The following ARID2 variants were observed in gnomAD, a reference collection of about 807,000 sequenced individuals.
ARID2 encodes AT-rich interactive domain-containing protein 2.
ARID2 carries 32 observed loss-of-function variants against 184.6 expected under a neutral mutation model. The observed-to-expected ratio is 0.17, with a 90% CI of 0.13 to 0.23. ARID2 has a LOEUF of 0.23. Among genes scored for constraint, ARID2 ranks in the 10% least tolerant of loss-of-function variants. The probability of loss-of-function intolerance (pLI) is 1.00; values close to 1 mark genes in which losing one functional copy is unlikely to be tolerated. For synonymous variants in ARID2, 836 were observed against 772.6 expected, an observed-to-expected ratio of 1.08 and a Z score of -1.36; for missense variants, 1,696 against 2,197.6, an observed-to-expected ratio of 0.77 and a Z score of 4.56.
chr12:45,860,750 T>C (rs377306978), intron 15 of ARID2, 51 bp from the exon 16 acceptor site: 50 of 1,390,624 alleles, frequency 3.6e-5, no homozygotes, highest in South Asian at 3.3e-4. Flanking sequence ...CTATAAAATA[T>C]GAATTTTTTC....
intron 16 of ARID2, among the ~76,000 whole-genome samples, chr12:45,878,154 T>TC (rs542613808): frequency 1.6e-4 from 24 of 152,334 alleles, no homozygotes; most frequent in Non-Finnish European, 3.2e-4. Context: ...AAGGTTTTTT[T>TC]CTTTGTCTTT....
intron 3 of ARID2, among the ~76,000 whole-genome samples, chr12:45,790,767 TCAA>T (rs1041801946): frequency 2.0e-5 from 3 of 152,248 alleles, no homozygotes; most frequent in Admixed American, 1.3e-4. Context: ...AGGACACTGT[TCAA>T]CACAAGTTGT....
At position 45,851,383 on chromosome 12, in the gene ARID2, C is replaced by G. The variant is rs776757244; in HGVS notation, c.3260C>G (p.Pro1087Arg). The change falls in exon 15 of 21, where the codon CCT (proline) becomes CGT (arginine). Residue 1087 changes from proline (P) to arginine (R), a missense_variant. Physicochemically the swap from Pro to Arg is moderately radical, Grantham distance 103 (BLOSUM62 -2). This residue lies in a region of ARID2 where 713 missense variants were observed against 824.4 expected (regional missense o/e 0.86). Coordinates refer to ENST00000334344, the MANE Select transcript of ARID2 (RefSeq NM_152641.4). ...CTCCCAGCTCCACAGATTCCTCCCC[C>G]TAATAATGCAAGAGCTCCTAGCCCT... Reference protein sequence around the residue: ...LILPAPQIPPPNNARAPSPQV... With the variant: ...LILPAPQIPPRNNARAPSPQV... 6.2e-7 allele frequency: 1 copy of G among 1,614,130 alleles called. No individual in the cohort carries two copies. Among genetic ancestry groups the G allele is most frequent in the Non-Finnish European group, 8.5e-7 (1 of 1,180,006 alleles).
At chr12:45,844,187 G>A (rs1203425801) in intron 11 of ARID2, among the ~76,000 whole-genome samples, 2 of 151,994 alleles carry the variant, frequency 1.3e-5, no homozygotes, top group African/African-American at 4.8e-5. Flanking sequence ...ACAAGTACAT[G>A]CCACCAAGTC....
Position 45,815,599 on chromosome 12 carries a change from T to TTGTG in ARID2, c.419-2051_419-2048dup, listed in dbSNP as rs376716014. 3.9e-3 allele frequency among the ~76,000 whole-genome samples: 588 copies of TTGTG among 149,832 alleles called. 5 individuals carry two copies. The highest frequency in any genetic ancestry group is 0.013 in the African/African-American group (513 of 40,950). On this transcript the variant is annotated intron_variant, in intron 4 of 20. Transcript: ENST00000334344. Reference sequence around the variant, plus strand: ...TCTACTTGCATCCTACTTAAAGAGATTGTGTGTGTGTGTGTGTGTGTGTTT... The same window carrying TTGTG: ...TCTACTTGCATCCTACTTAAAGAGATTGTGTGTGTGTGTGTGTGTGTGTGTGTTT...
intron 5 of ARID2, 106 bp from the exon 6 acceptor site, chr12:45,821,314 A>T: frequency 1.7e-6 from 1 of 583,850 alleles, no homozygotes; most frequent in Non-Finnish European, 2.9e-6. Flanking sequence ...TACACAAGAT[A>T]TATTAAGATG....
At chr12:45,844,082 C>G (rs1194683982) in intron 11 of ARID2, among the ~76,000 whole-genome samples, 2 of 152,096 alleles carry the variant, frequency 1.3e-5, no homozygotes, top group African/African-American at 2.4e-5. Flanking sequence ...ACCCAGACTG[C>G]AGTGCAGGGG....
At position 45,906,917 on chromosome 12, in the gene ARID2, T is replaced by G. The variant is rs533354222; in HGVS notation, c.*1839T>G. The G allele has an allele frequency of 4.3e-6, 1 of 231,976 alleles. No homozygotes were observed. Among genetic ancestry groups the G allele is most frequent in the South Asian group, 1.8e-4 (1 of 5,520 alleles). 14.4% of individuals were successfully genotyped at this position (231,976 alleles called of 1,614,324 possible). The stretch of plus-strand genomic sequence containing the variant: ...TCACAGTGTATCCAAATCTTCAGCT[T>G]GAATTTGGAGGCAGATTCTTAGAGT... On this transcript the variant is annotated 3_prime_UTR_variant, in exon 21 of 21. Transcript: ENST00000334344.
chr12:45,733,304 A>G (rs1941036950), intron 3 of ARID2, among the ~76,000 whole-genome samples: 1 of 152,242 alleles, frequency 6.6e-6, no homozygotes, highest in African/African-American at 2.4e-5. Flanking sequence ...TTGCACAGTA[A>G]GAGGATATAT....
intron 6 of ARID2, among the ~76,000 whole-genome samples, chr12:45,832,911 T>C (rs1316019707): frequency 2.0e-5 from 3 of 152,218 alleles, no homozygotes; most frequent in Non-Finnish European, 4.4e-5. Context: ...CCATTTTATA[T>C]GAGGAACTTG....
At chr12:45,799,719 A>T (rs1233054225) in intron 3 of ARID2, among the ~76,000 whole-genome samples, 1 of 152,246 alleles carries the variant, frequency 6.6e-6, no homozygotes, top group African/African-American at 2.4e-5. Flanking sequence ...GTACCAAGGT[A>T]ATCAATATAA....
Position 45,796,193 on chromosome 12 carries a change from A to G in ARID2, c.285-15225A>G, listed in dbSNP as rs185437551. Among the ~76,000 whole-genome samples the G allele has an allele frequency of 3.9e-5, 6 of 152,140 alleles. No homozygotes were observed. In the East Asian group the frequency reaches 9.6e-4, roughly 24 times the overall value. On this transcript the variant is annotated intron_variant, in intron 3 of 20. Coordinates refer to ENST00000334344, the MANE Select transcript of ARID2 (RefSeq NM_152641.4). ...TTGATAAAATTCAAAAATTTTTAAT[A>G]TATATTTTACATATATTCACTTACA...
chr12:45,861,024 C>CTA, intron 16 of ARID2, 75 bp downstream of exon 16: 4 of 1,300,910 alleles, frequency 3.1e-6, no homozygotes, highest in Non-Finnish European at 4.0e-6. Context: ...TTTCTGTCAT[C>CTA]TATAGTTGCA....
intron 11 of ARID2, among the ~76,000 whole-genome samples, chr12:45,844,202 TAA>T (rs1943403001): frequency 6.6e-6 from 1 of 152,090 alleles, no homozygotes; most frequent in African/African-American, 2.4e-5. Context: ...CAAGTCTGGC[TAA>T]GGACGGGGTT....
At chr12:45,804,936 A>G (rs528126992) in intron 3 of ARID2, among the ~76,000 whole-genome samples, 3 of 152,152 alleles carry the variant, frequency 2.0e-5, no homozygotes, top group East Asian at 1.9e-4. Context: ...TGGAATTATA[A>G]TGTATTCTTC....
intron 3 of ARID2, among the ~76,000 whole-genome samples, chr12:45,755,657 TTA>T: frequency 6.6e-6 from 1 of 152,356 alleles, no homozygotes; most frequent in South Asian, 2.1e-4. Flanking sequence ...TACATGTAGC[TTA>T]TTAATTCAGT....
rs191900625 is a variant in ARID2 at position 45,804,634 on chromosome 12, A to G, written c.285-6784A>G. 2.7e-3 allele frequency among the ~76,000 whole-genome samples: 413 copies of G among 152,146 alleles called. 3 individuals are homozygous for G. The highest frequency in any genetic ancestry group is 9.1e-3 in the African/African-American group (377 of 41,548). On this transcript the variant is annotated intron_variant, in intron 3 of 20. Coordinates refer to ENST00000334344, the MANE Select transcript of ARID2 (RefSeq NM_152641.4). ...GGAAACATTTTACATAGCAATGGAA[A>G]TGTCTGTTCTTGGAAAGTTTGAAAT...
At chr12:45,792,011 G>A (rs946758845) in intron 3 of ARID2, among the ~76,000 whole-genome samples, 1 of 151,750 alleles carries the variant, frequency 6.6e-6, no homozygotes, top group Admixed American at 6.6e-5. Flanking sequence ...AATTTTATTC[G>A]TGTTTTCTGA....
At chr12:45,735,986 A>G (rs1941109860) in intron 3 of ARID2, among the ~76,000 whole-genome samples, 1 of 152,244 alleles carries the variant, frequency 6.6e-6, no homozygotes, top group Non-Finnish European at 1.5e-5. Context: ...GCACTCTTTC[A>G]TAATCCTATC....
Sources: gnomAD v4.1 joint callset for allele counts (sites outside exome capture counted in the v4.1 genomes callset) on GRCh38, gnomAD v4.1.1 for gene constraint, gnomAD v4.1.1 regional missense constraint, MANE v1.5 for transcripts, NCBI Gene and HGNC (gene_info 2026-07-23, HGNC 2026-07-21) for gene names.